Variants in TMEM114 observed in about 807,000 individuals in gnomAD.
TMEM114 encodes transmembrane protein 114, also known as claudin-26.
A neutral mutation model predicts 6.2 loss-of-function variants in TMEM114; 6 were observed. That is an observed-to-expected ratio of 0.97 (90% CI 0.53 to 1.91). The LOEUF (loss-of-function observed/expected upper bound fraction) is 1.91, where lower values mean the gene tolerates loss of function less well. Among genes scored for constraint, TMEM114 ranks in the 40% most tolerant of loss-of-function variants. The probability of loss-of-function intolerance (pLI) is 0.01; values close to 1 mark genes in which losing one functional copy is unlikely to be tolerated. For missense variants in TMEM114, 218 were observed against 158.3 expected (o/e 1.38, Z -2.02); for synonymous variants, 104 against 73.0 (o/e 1.42, Z -2.16).
intron 2 of TMEM114, among the ~76,000 whole-genome samples, chr16:8,575,887 C>A (rs1296542550): frequency 6.6e-6 from 1 of 152,198 alleles, no homozygotes; most frequent in Admixed American, 6.5e-5. Context: ...TACAACCAAA[C>A]ACAGATCTCT....
At chr16:8,573,841 C>G (rs563828064) in intron 2 of TMEM114, among the ~76,000 whole-genome samples, 1 of 152,304 alleles carries the variant, frequency 6.6e-6, no homozygotes, top group East Asian at 1.9e-4. Flanking sequence ...TTGAGGGCAT[C>G]TGAGTCACTT....
chr16:8,532,619 T>C (rs913304542), downstream of TMEM114, among the ~76,000 whole-genome samples: 2 of 152,178 alleles, frequency 1.3e-5, no homozygotes, highest in Admixed American at 1.3e-4. Flanking sequence ...TGAATATCAT[T>C]AGTGCTCAAG....
chr16:8,558,478 G>T (rs1330878943), intron 2 of TMEM114, among the ~76,000 whole-genome samples: 1 of 152,024 alleles, frequency 6.6e-6, no homozygotes, highest in African/African-American at 2.4e-5. Flanking sequence ...ACCAGTCATT[G>T]GTTTTAGGGC....
chr16:8,538,477 G>T (rs1900425724), intron 2 of TMEM114, among the ~76,000 whole-genome samples: 1 of 151,470 alleles, frequency 6.6e-6, no homozygotes, highest in African/African-American at 2.4e-5. Context: ...GACAAAGAAT[G>T]TGTGTGCTGT....
At chr16:8,577,937 C>T (rs1422253826) in intron 2 of TMEM114, among the ~76,000 whole-genome samples, 5 of 152,136 alleles carry the variant, frequency 3.3e-5, no homozygotes, top group African/African-American at 1.2e-4. Flanking sequence ...GAAACAAATG[C>T]CTTTGGGTCC....
At chr16:8,558,492 C>T (rs926965812) in intron 2 of TMEM114, among the ~76,000 whole-genome samples, 3 of 152,138 alleles carry the variant, frequency 2.0e-5, no homozygotes, top group African/African-American at 7.2e-5. Context: ...TTAGGGCCCA[C>T]CCTAACCCAA....
intron 2 of TMEM114, among the ~76,000 whole-genome samples, chr16:8,542,086 G>A (rs377213211): frequency 2.6e-5 from 4 of 152,108 alleles, no homozygotes; most frequent in South Asian, 4.1e-4. Flanking sequence ...CCATTGTGCT[G>A]GCTGGAGAAG....
chr16:8,557,973 G>T (rs1901067812), intron 2 of TMEM114, among the ~76,000 whole-genome samples: 1 of 152,184 alleles, frequency 6.6e-6, no homozygotes, highest in Admixed American at 6.5e-5. Flanking sequence ...AATCAGTCCA[G>T]GCAGGTGCAG....
intron 2 of TMEM114, among the ~76,000 whole-genome samples, chr16:8,564,119 G>A (rs575119245): frequency 8.6e-4 from 130 of 151,546 alleles, no homozygotes; most frequent in African/African-American, 3.0e-3. Flanking sequence ...ATAAGTAAGT[G>A]AATGAGTGAG....
At chr16:8,563,611 G>T (rs1248994077) in intron 2 of TMEM114, among the ~76,000 whole-genome samples, 3 of 150,472 alleles carry the variant, frequency 2.0e-5, no homozygotes, top group East Asian at 3.9e-4. Flanking sequence ...ATGAGTAAAT[G>T]AGTGACTGAA....
chr16:8,567,535 G>C (rs1263256117), downstream of TMEM114, among the ~76,000 whole-genome samples: 1 of 152,184 alleles, frequency 6.6e-6, no homozygotes, highest in Non-Finnish European at 1.5e-5. Context: ...CAAGGTGGAC[G>C]TGTGGGACCA....
At chr16:8,560,048 G>C (rs1348411977) in intron 2 of TMEM114, among the ~76,000 whole-genome samples, 1 of 152,194 alleles carries the variant, frequency 6.6e-6, no homozygotes, top group Non-Finnish European at 1.5e-5. Flanking sequence ...CCAGGCTGGA[G>C]TGCAGTGGTG....
intron 2 of TMEM114, among the ~76,000 whole-genome samples, chr16:8,563,409 GTTAA>G (rs150800166): frequency 0.011 from 1,595 of 147,142 alleles, 19 homozygotes; most frequent in African/African-American, 0.039. Context: ...AAACGAGTGA[GTTAA>G]TTAGTGAGTG....
At chr16:8,553,159 A>C (rs1299943122) in intron 2 of TMEM114, among the ~76,000 whole-genome samples, 3 of 152,214 alleles carry the variant, frequency 2.0e-5, no homozygotes, top group Non-Finnish European at 2.9e-5. Context: ...CAGCCGTTTC[A>C]TTCCTCTGGT....
chr16:8,576,478 G>C (rs1187266157), intron 2 of TMEM114, among the ~76,000 whole-genome samples: 1 of 152,220 alleles, frequency 6.6e-6, no homozygotes, highest in Non-Finnish European at 1.5e-5. Flanking sequence ...TCTGGCTGGA[G>C]GGAACTGGCA....
At chr16:8,549,446 GC>G (rs1448380351) in intron 2 of TMEM114, among the ~76,000 whole-genome samples, 3 of 142,194 alleles carry the variant, frequency 2.1e-5, no homozygotes, top group South Asian at 2.1e-4. Context: ...GTTGCAGTGA[GC>G]CACGATTGAG....
rs143510198 is a variant in TMEM114, at chr16:8,564,049, G to A, written n.212+25164C>T. 1.1e-4 allele frequency among the ~76,000 whole-genome samples: 16 copies of A among 150,938 alleles called. 1 individual carries two copies. Among genetic ancestry groups the A allele is most frequent in the African/African-American group, 3.9e-4 (16 of 40,570 alleles). The stretch of plus-strand genomic sequence containing the variant: ...AGTAAATGAGTGACTGAATGAGTGA[G>A]TGAATGAGTAAATGAGTGAGTGAGT... On this transcript the variant is annotated intron_variant and non_coding_transcript_variant, in intron 2 of 2. Coordinates refer to the TMEM114 transcript ENST00000623677.
At chr16:8,530,391 C>G in the TMEM114 span, among the ~76,000 whole-genome samples, 9 of 152,166 alleles carry the variant, frequency 5.9e-5, no homozygotes, top group African/African-American at 2.2e-4. Context: ...ATCTCTAGAG[C>G]TAGTAGGACT....
intron 2 of TMEM114, among the ~76,000 whole-genome samples, chr16:8,542,476 A>G (rs868141230): frequency 6.6e-6 from 1 of 152,276 alleles, no homozygotes. Flanking sequence ...TTCATATCTG[A>G]TTTCAGGTTT....
Sources: allele counts gnomAD v4.1 joint callset (sites outside exome capture counted in the v4.1 genomes callset), GRCh38; gene constraint gnomAD v4.1.1; transcripts MANE v1.5; gene names NCBI Gene and HGNC (gene_info 2026-07-23, HGNC 2026-07-21).